Variants in SAP130 observed in about 807,000 individuals in gnomAD.
The protein encoded by SAP130 is histone deacetylase complex subunit SAP130.
Under a neutral mutation model 103.2 loss-of-function variants are expected in SAP130, and 16 were observed. That is an observed-to-expected ratio of 0.16 (90% CI 0.10 to 0.24). SAP130 has a LOEUF of 0.24. SAP130 is among the 10% of genes least tolerant of loss of function. The pLI is 1.00. For synonymous variants in SAP130, 477 were observed against 497.0 expected (o/e 0.96, Z 0.53); for missense variants, 990 against 1,359.7 (o/e 0.73, Z 4.28).
chr2:127,974,202 T>C (rs1301210956), intron 15 of SAP130, among the ~76,000 whole-genome samples: 2 of 152,148 alleles, frequency 1.3e-5, no homozygotes, highest in Non-Finnish European at 2.9e-5. Flanking sequence ...GTGATTCTTT[T>C]AAAATAAGTC....
intron 14 of SAP130, among the ~76,000 whole-genome samples, chr2:127,980,475 A>T (rs1175056371): frequency 6.6e-6 from 1 of 152,188 alleles, no homozygotes; most frequent in Admixed American, 6.5e-5. Context: ...ATGAAAGTTT[A>T]AAACAAGCAC....
intron 1 of SAP130, chr2:128,027,226 C>A (rs971935042): frequency 1.7e-6 from 2 of 1,202,364 alleles, no homozygotes; most frequent in African/African-American, 3.2e-5. Flanking sequence ...GCCCGGGGCC[C>A]GCTGCTGTCC....
At chr2:127,978,120 C>T (rs1217623940) in intron 14 of SAP130, 31 bp from the exon 15 acceptor site, 2 of 1,512,002 alleles carry the variant, frequency 1.3e-6, no homozygotes, top group East Asian at 4.9e-5. Context: ...ACCCGGAGAA[C>T]AGCAGTCCAA....
At chr2:127,951,193 G>T (rs1240004200) in intron 16 of SAP130, among the ~76,000 whole-genome samples, 1 of 152,138 alleles carries the variant, frequency 6.6e-6, no homozygotes, top group South Asian at 2.1e-4. Flanking sequence ...CTCACCGACC[G>T]CAGTGTGCTA....
intron 6 of SAP130, among the ~76,000 whole-genome samples, chr2:128,010,766 A>G (rs1248008287): frequency 6.6e-6 from 1 of 152,058 alleles, no homozygotes; most frequent in East Asian, 1.9e-4. Flanking sequence ...CAGGAGGTTG[A>G]GGCAGGAGAA....
At chr2:127,994,356 T>C (rs1421476188) in intron 11 of SAP130, among the ~76,000 whole-genome samples, 1 of 152,278 alleles carries the variant, frequency 6.6e-6, no homozygotes, top group East Asian at 1.9e-4. Context: ...TCTGGGAGGC[T>C]GAGGCAGGCA....
rs765764398 is a variant in SAP130, at chr2:127,989,525, T to C, written c.1780+39A>G. On this transcript the variant is annotated intron_variant, in intron 13 of 20. Transcript: ENST00000643581. The surrounding 1 kb of genome is among the most constrained non-coding windows in gnomAD (Gnocchi z 4.6). ...AGGATTTAAACCCAAATGTATTTCT[T>C]TTCTCCAAACCACCTTCTATGCAAA... is the stretch of plus-strand genomic sequence containing the variant. The C allele has an allele frequency of 5.1e-6, 8 of 1,555,836 alleles. No homozygotes were observed. The highest frequency in any genetic ancestry group is 7.0e-6 in the Non-Finnish European group (8 of 1,147,116).
intron 15 of SAP130, among the ~76,000 whole-genome samples, chr2:127,957,142 AT>A (rs1232675645): frequency 6.6e-6 from 1 of 151,992 alleles, no homozygotes; most frequent in Non-Finnish European, 1.5e-5. Context: ...TTCTTAAAAA[AT>A]TTTTTTTAAT....
In SAP130 at chr2:127,950,235, C is replaced by T; in HGVS notation, c.2596G>A (p.Asp866Asn). Residue 866 changes from aspartate to asparagine, a missense_variant, in exon 17 of 21, where the codon GAT becomes AAT. Coordinates refer to ENST00000643581, the MANE Select transcript of SAP130 (RefSeq NM_001330301.2). ...CTCTTGGCAGTGGACTTCTCATCAT[C>T]AGTGCTGTTTGTCTCCATCATGTCA... ...EGDMMETNST[D>N]DEKSTAKSLL... The T allele has an allele frequency of 6.2e-7, 1 of 1,614,198 alleles. No homozygotes were observed. The highest frequency in any genetic ancestry group is 8.5e-7 in the Non-Finnish European group (1 of 1,180,026).
chr2:128,013,193 A>G, intron 5 of SAP130, 39 bp from the exon 6 acceptor site: 2 of 1,540,032 alleles, frequency 1.3e-6, no homozygotes, highest in Non-Finnish European at 1.7e-6. Context: ...TATTCTAGTT[A>G]TATTCCCTGG....
In SAP130 at chr2:127,996,978, A is replaced by C. The variant is rs1384260599; in HGVS notation, c.1214-487T>G. 6.6e-6 allele frequency among the ~76,000 whole-genome samples: 1 copy of C among 152,080 alleles called. No individual in the cohort carries two copies. The highest frequency in any genetic ancestry group is 1.5e-5 in the Non-Finnish European group (1 of 68,002). On this transcript the variant is annotated intron_variant, in intron 10 of 20. Coordinates refer to ENST00000643581, the MANE Select transcript of SAP130 (RefSeq NM_001330301.2). This position sits in a 1 kb window ranked among gnomAD's most constrained non-coding sequence, Gnocchi z 4.3. ...AACGGAAAAAACAAACAAACAAAAA[A>C]CCTTGGATTCTACTCCAGGTCCATA...
intron 16 of SAP130, 111 bp from the exon 17 acceptor site, chr2:127,950,519 T>C: frequency 8.0e-7 from 1 of 1,249,188 alleles, no homozygotes; most frequent in Non-Finnish European, 1.1e-6. Flanking sequence ...AGCACCAACA[T>C]TTATTGTCTT....
rs766149440 is a variant in SAP130, at chr2:127,989,903, G to A, written c.1478-37C>T. 7.6e-6 allele frequency: 12 copies of A among 1,581,142 alleles called. No homozygotes were observed. The highest frequency in any genetic ancestry group is 1.0e-5 in the Non-Finnish European group (12 of 1,158,248). On this transcript the variant is annotated intron_variant, in intron 12 of 20. Transcript: ENST00000643581. This position sits in a 1 kb window ranked among gnomAD's most constrained non-coding sequence, Gnocchi z 4.6. ...GCGAAAGGTAACTATAAGAAGGTTAGCTTCATTTCACACAGTCCACATAAA... is the reference window on the plus strand; with the variant it reads ...GCGAAAGGTAACTATAAGAAGGTTAACTTCATTTCACACAGTCCACATAAA...
At chr2:127,993,866 C>T (rs1453703926) in intron 11 of SAP130, among the ~76,000 whole-genome samples, 1 of 152,160 alleles carries the variant, frequency 6.6e-6, no homozygotes, top group East Asian at 1.9e-4. Flanking sequence ...ATCAAGCCTC[C>T]TGCCTCAGCT....
intron 7 of SAP130, among the ~76,000 whole-genome samples, chr2:128,003,073 G>A (rs1169606027): frequency 6.6e-6 from 1 of 152,028 alleles, no homozygotes; most frequent in Non-Finnish European, 1.5e-5. Flanking sequence ...AGGTTACAGT[G>A]AGCTGAGACT....
intron 12 of SAP130, among the ~76,000 whole-genome samples, chr2:127,990,222 T>TTG (rs1682692995): frequency 1.3e-5 from 2 of 152,150 alleles, no homozygotes; most frequent in Non-Finnish European, 2.9e-5. Context: ...AACCTCTGCT[T>TTG]TAATTGATAG....
intron 6 of SAP130, among the ~76,000 whole-genome samples, chr2:128,010,909 TA>T (rs11414397): frequency 1.4e-3 from 150 of 106,868 alleles, no homozygotes; most frequent in African/African-American, 1.4e-3. Flanking sequence ...TCAGAATTAT[TA>T]AAAAAAAAAA....
intron 18 of SAP130, among the ~76,000 whole-genome samples, chr2:127,949,389 A>G (rs1679337541): frequency 6.6e-6 from 1 of 152,252 alleles, no homozygotes; most frequent in Non-Finnish European, 1.5e-5. Flanking sequence ...ACAACAGAAC[A>G]TTCATTGAGG....
At chr2:128,021,236 C>G (rs1051620810) in intron 2 of SAP130, among the ~76,000 whole-genome samples, 24 of 151,954 alleles carry the variant, frequency 1.6e-4, no homozygotes, top group African/African-American at 5.8e-4. Context: ...ATCACAAAGT[C>G]AGGAGTTTGA....
Sources: gnomAD v4.1 joint callset for allele counts (sites outside exome capture counted in the v4.1 genomes callset) on GRCh38, gnomAD v4.1.1 for gene constraint, Gnocchi (gnomAD v3.1) non-coding constraint, MANE v1.5 for transcripts, NCBI Gene and HGNC (gene_info 2026-07-23, HGNC 2026-07-21) for gene names.